The following TENM3 variants were observed in gnomAD, a reference collection of about 807,000 sequenced individuals.
TENM3 encodes the protein teneurin-3.
In TENM3, 63 loss-of-function variants were observed where a neutral mutation model predicts 255.1. The observed-to-expected ratio is 0.25, with a 90% CI of 0.20 to 0.30. The LOEUF (loss-of-function observed/expected upper bound fraction) is 0.30, where lower values mean the gene tolerates loss of function less well. Among genes scored for constraint, TENM3 ranks in the 10% least tolerant of loss-of-function variants. The pLI is 1.00. For synonymous variants in TENM3, 1,306 were observed against 1,322.3 expected, an observed-to-expected ratio of 0.99 and a Z score of 0.27; for missense variants, 2,929 against 3,461.1, an observed-to-expected ratio of 0.85 and a Z score of 3.86.
chr4:182,130,203 T>C, the TENM3 span, among the ~76,000 whole-genome samples: 1 of 152,164 alleles, frequency 6.6e-6, no homozygotes. Context: ...AATTTAGTTA[T>C]CGAGTTAAAG....
At chr4:182,673,798 A>G (rs543014589) in intron 7 of TENM3, among the ~76,000 whole-genome samples, 3 of 152,216 alleles carry the variant, frequency 2.0e-5, no homozygotes, top group Non-Finnish European at 4.4e-5. Context: ...AGTGTGGTAC[A>G]CAAGACAATT....
At chr4:181,654,393 A>G in the TENM3 span, among the ~76,000 whole-genome samples, 8 of 152,162 alleles carry the variant, frequency 5.3e-5, no homozygotes, top group East Asian at 1.9e-4. Context: ...TGTGAAAAGG[A>G]TATGTGCTCT....
chr4:181,793,200 C>T, the TENM3 span, among the ~76,000 whole-genome samples: 5 of 152,152 alleles, frequency 3.3e-5, no homozygotes, highest in African/African-American at 9.7e-5. Flanking sequence ...GGCTGGCCGG[C>T]GATCCAGCTG....
intron 1 of TENM3, among the ~76,000 whole-genome samples, chr4:182,279,926 C>T (rs896530353): frequency 2.0e-5 from 3 of 152,116 alleles, no homozygotes; most frequent in African/African-American, 7.2e-5. Flanking sequence ...AAAAATATTG[C>T]CTTGAAACCC....
chr4:181,477,771 A>G, the TENM3 span, among the ~76,000 whole-genome samples: 2 of 152,230 alleles, frequency 1.3e-5, no homozygotes, highest in Admixed American at 6.5e-5. Flanking sequence ...TTTGGGTGTG[A>G]TTCATTGTCA....
the TENM3 span, among the ~76,000 whole-genome samples, chr4:181,759,065 T>C: frequency 6.6e-6 from 1 of 152,166 alleles, no homozygotes; most frequent in African/African-American, 2.4e-5. Context: ...AATTTAACCA[T>C]TTAAAATCTA....
In TENM3 at chr4:182,800,366, C is replaced by T. The variant is rs1476072806; in HGVS notation, c.*15C>T. ...GCAGGAGGTAACGCCCGGGCCGCGC[C>T]CGCCGAGCCGCTCACGCCCTGCCCA... On this transcript the variant is annotated 3_prime_UTR_variant, in exon 28 of 28. Transcript: ENST00000511685. The T allele has an allele frequency of 6.5e-7, 1 of 1,539,168 alleles. No individual in the cohort carries two copies. Among genetic ancestry groups the T allele is most frequent in the Non-Finnish European group, 8.7e-7 (1 of 1,151,862 alleles).
intron 3 of TENM3, among the ~76,000 whole-genome samples, chr4:182,574,836 A>G (rs142550021): frequency 5.1e-4 from 78 of 152,250 alleles, no homozygotes; most frequent in African/African-American, 1.6e-3. Context: ...TGCTTGCAGA[A>G]TGGTATTTTA....
intron 2 of TENM3, among the ~76,000 whole-genome samples, chr4:182,333,774 A>G (rs1450942786): frequency 6.6e-6 from 1 of 152,242 alleles, no homozygotes; most frequent in Non-Finnish European, 1.5e-5. Context: ...AGTTAAAATC[A>G]GTACTTTTGT....
chr4:181,501,509 G>A, the TENM3 span, among the ~76,000 whole-genome samples: 5 of 151,784 alleles, frequency 3.3e-5, no homozygotes, highest in African/African-American at 1.2e-4. Flanking sequence ...CTCCCAAGTA[G>A]TGGGATTACA....
In TENM3 at chr4:182,502,910, C is replaced by CTTTTT. The variant is rs10671906; in HGVS notation, c.512-97992_512-97988dup. Among the ~76,000 whole-genome samples, 9 of 77,372 alleles carry CTTTTT rather than the reference C, an allele frequency of 1.2e-4. 1 individual carries two copies. Among genetic ancestry groups the CTTTTT allele is most frequent in the African/African-American group, 1.9e-4 (3 of 16,120 alleles). 50.8% of individuals were successfully genotyped at this position (77,372 alleles called of 152,430 possible). ...TGTTTTGTGATTGGATGAAGTCAGC[C>CTTTTT]TTTTTTTTTTTTTTTTTTTTTTTTT... is the stretch of plus-strand genomic sequence containing the variant. On this transcript the variant is annotated intron_variant, in intron 3 of 27. Transcript: ENST00000511685.
At chr4:182,086,189 C>A in the TENM3 span, among the ~76,000 whole-genome samples, 1 of 152,030 alleles carries the variant, frequency 6.6e-6, no homozygotes, top group South Asian at 2.1e-4. Context: ...CTTTTACCTC[C>A]CAGCTACCAG....
intron 3 of TENM3, among the ~76,000 whole-genome samples, chr4:182,451,238 C>A (rs781051627): frequency 6.6e-6 from 1 of 152,128 alleles, no homozygotes; most frequent in Admixed American, 6.5e-5. Flanking sequence ...GCTGTTGCGT[C>A]ACGTTTCTTA....
At chr4:181,511,658 A>T in the TENM3 span, among the ~76,000 whole-genome samples, 1 of 152,100 alleles carries the variant, frequency 6.6e-6, no homozygotes, top group Non-Finnish European at 1.5e-5. Context: ...TTACATGCTT[A>T]TTTACTTGCC....
intron 1 of TENM3, among the ~76,000 whole-genome samples, chr4:182,297,574 C>T (rs966217146): frequency 2.0e-5 from 3 of 152,198 alleles, no homozygotes; most frequent in Non-Finnish European, 2.9e-5. Flanking sequence ...GTGTCCCAGG[C>T]TCCCAAGCTG....
At chr4:182,587,662 C>T (rs1486274959) in intron 3 of TENM3, among the ~76,000 whole-genome samples, 1 of 152,086 alleles carries the variant, frequency 6.6e-6, no homozygotes, top group South Asian at 2.1e-4. Flanking sequence ...CTGCCCACCT[C>T]GGCCTGCCAA....
the TENM3 span, among the ~76,000 whole-genome samples, chr4:181,469,562 G>T: frequency 6.6e-6 from 1 of 152,138 alleles, no homozygotes; most frequent in Non-Finnish European, 1.5e-5. Context: ...TGGCATTATA[G>T]TTAAGGGTAG....
At chr4:181,615,333 C>T in the TENM3 span, among the ~76,000 whole-genome samples, 1 of 152,076 alleles carries the variant, frequency 6.6e-6, no homozygotes, top group Non-Finnish European at 1.5e-5. Context: ...CAAAAAGAAT[C>T]CTGACCGCAG....
chr4:182,659,596 T>G (rs947032498), intron 6 of TENM3, among the ~76,000 whole-genome samples: 2 of 152,160 alleles, frequency 1.3e-5, no homozygotes, highest in African/African-American at 4.8e-5. Context: ...GGTGACTGCT[T>G]CTACTCTCTC....
Sources: gnomAD v4.1 joint callset for allele counts (sites outside exome capture counted in the v4.1 genomes callset) on GRCh38, gnomAD v4.1.1 for gene constraint, MANE v1.5 for transcripts, NCBI Gene and HGNC (gene_info 2026-07-23, HGNC 2026-07-21) for gene names.